NBPF20: variants seen among roughly 807,000 people sequenced by gnomAD.
NBPF20 encodes the protein NBPF member 20, also known as NBPF family member NBPF20.
NBPF20 carries 90 observed loss-of-function variants against 68.1 expected under a neutral mutation model. That is an observed-to-expected ratio of 1.32 (90% CI 1.11 to 1.58). NBPF20 has a LOEUF of 1.58. Among genes scored for constraint, NBPF20 ranks in the 40% most tolerant of loss-of-function variants. The pLI is 0.00. For missense variants in NBPF20, 816 were observed against 601.2 expected (o/e 1.36, Z -3.74); for synonymous variants, 290 against 228.1 (o/e 1.27, Z -2.45).
chr1:145,400,059 T>C (rs1269785683), intron 6 of NBPF20, among the ~76,000 whole-genome samples: 2 of 152,148 alleles, frequency 1.3e-5, no homozygotes, highest in Non-Finnish European at 2.9e-5. Flanking sequence ...AGAAATTCCA[T>C]GGACATTGTT....
rs1319302931 is a variant in NBPF20, at chr1:145,397,333, G to A, written c.827+1716C>T. Among the ~76,000 whole-genome samples, 3 of 152,274 alleles carry A rather than the reference G, an allele frequency of 2.0e-5. No homozygotes were observed. In the East Asian group the frequency reaches 5.8e-4, roughly 29 times the overall value. On this transcript the variant is annotated intron_variant, in intron 7 of 137. Coordinates refer to ENST00000369373, the Ensembl canonical transcript of NBPF20. ...GGTATTTCTAGTTCTAGATCCCTGAGGAATTGTCACACTGCCTTCCACAAT... is the reference window on the plus strand; with the variant it reads ...GGTATTTCTAGTTCTAGATCCCTGAAGAATTGTCACACTGCCTTCCACAAT...
chr1:145,424,781 G>A, the NBPF20 span, among the ~76,000 whole-genome samples: 51 of 152,108 alleles, frequency 3.4e-4, no homozygotes, highest in Non-Finnish European at 6.6e-4. Flanking sequence ...CCAACCTACC[G>A]GAAATCCTGC....
At chr1:145,292,670 C>A (rs1330375286) in intron 136 of NBPF20, among the ~76,000 whole-genome samples, 181 bp from the exon 142 acceptor site, 9 of 147,088 alleles carry the variant, frequency 6.1e-5, no homozygotes, top group Non-Finnish European at 8.8e-5. Context: ...GTTTTTCTCC[C>A]AGAAACTGTG....
intron 73 of NBPF20, among the ~76,000 whole-genome samples, chr1:145,342,812 CAG>C (rs1232307393): frequency 2.8e-5 from 3 of 107,428 alleles, no homozygotes; most frequent in South Asian, 2.9e-4. Context: ...CACACACACA[CAG>C]AGAGAACGAG....
chr1:145,393,507 A>T (rs1272355690), intron 9 of NBPF20, among the ~76,000 whole-genome samples: 3 of 151,498 alleles, frequency 2.0e-5, no homozygotes, highest in African/African-American at 7.3e-5. Context: ...AGCTCAGTGA[A>T]TTGGTCAGGT....
upstream of NBPF20, among the ~76,000 whole-genome samples, chr1:145,409,272 T>C (rs587766408): frequency 0.011 from 1,606 of 151,738 alleles, 25 homozygotes; most frequent in Middle Eastern, 0.051. Flanking sequence ...TGTATGTTTG[T>C]ACTTTCACTT....
chr1:145,406,262 T>A (rs2101595757), upstream of NBPF20, among the ~76,000 whole-genome samples: 1 of 151,930 alleles, frequency 6.6e-6, no homozygotes, highest in Admixed American at 6.6e-5. Flanking sequence ...TGGGTATATA[T>A]GCCACTAATT....
chr1:145,401,070 C>A, exon 5 of NBPF20: 2 of 1,607,968 alleles, frequency 1.2e-6, no homozygotes, highest in Non-Finnish European at 1.7e-6. Flanking sequence ...TGGGGGCAGA[C>A]GATTTCTGCA....
chr1:145,400,679 C>A (rs1553665097), intron 5 of NBPF20, 85 bp from the exon 11 acceptor site: 6 of 1,526,034 alleles, frequency 3.9e-6, no homozygotes, highest in African/African-American at 1.4e-5. Context: ...TTTTGACAGG[C>A]GGCATTAAGA....
chr1:145,292,061 G>T (rs587756203), intron 137 of NBPF20, among the ~76,000 whole-genome samples: 11 of 149,382 alleles, frequency 7.4e-5, no homozygotes, highest in Admixed American at 1.3e-4. Context: ...CTCTGAGTTA[G>T]TGTCCTCATG....
chr1:145,399,807 T>G (rs1662428461), intron 6 of NBPF20, among the ~76,000 whole-genome samples: 1 of 123,656 alleles, frequency 8.1e-6, no homozygotes, highest in Non-Finnish European at 1.6e-5. Flanking sequence ...AAATCCACGA[T>G]GCTACAAAGA....
the NBPF20 span, among the ~76,000 whole-genome samples, chr1:145,410,886 TACAC>T: frequency 3.2e-5 from 4 of 124,300 alleles, no homozygotes; most frequent in African/African-American, 7.8e-5. Flanking sequence ...TATATATGTA[TACAC>T]ACACACACAC....
exon 6 of NBPF20, chr1:145,400,445 G>C: frequency 6.2e-7 from 1 of 1,613,174 alleles, no homozygotes; most frequent in Non-Finnish European, 8.5e-7. Context: ...GCCAATCAGA[G>C]TTGAGTCGAC....
chr1:145,411,319 C>G, the NBPF20 span, among the ~76,000 whole-genome samples: 3 of 150,512 alleles, frequency 2.0e-5, no homozygotes, highest in African/African-American at 7.3e-5. Flanking sequence ...TTCATAATTT[C>G]TCAAAGCAAT....
At chr1:145,409,930 T>C (rs1662941306), upstream of NBPF20, among the ~76,000 whole-genome samples, 1 of 151,806 alleles carries the variant, frequency 6.6e-6, no homozygotes, top group Non-Finnish European at 1.5e-5. Context: ...CAAAACTCTC[T>C]TCCTCCCCAG....
chr1:145,307,181 T>C (rs1661422526), intron 118 of NBPF20, among the ~76,000 whole-genome samples: 1 of 31,286 alleles, frequency 3.2e-5, no homozygotes, highest in East Asian at 2.6e-3. Context: ...TACAAACCCT[T>C]CAGTCCAAAT....
chr1:145,393,591 A>G lies in NBPF20; in HGVS notation c.1043+293T>C, dbSNP rs1662050228. Reference sequence around the variant, plus strand: ...GACACACTGTGAACAGTGATCATGAAAAGCATGTCCTCAATAATTTTGCAT... The same window carrying G: ...GACACACTGTGAACAGTGATCATGAGAAGCATGTCCTCAATAATTTTGCAT... On this transcript the variant is annotated intron_variant, in intron 9 of 137. Transcript: ENST00000369373. 12 of 653,730 alleles carry G rather than the reference A, an allele frequency of 1.8e-5. No individual in the cohort carries two copies. The South Asian group carries it at 2.3e-4, about 13-fold the overall frequency. 40.5% of individuals were successfully genotyped at this position (653,730 alleles called of 1,614,324 possible).
chr1:145,405,356 C>T (rs1254400156), intron 1 of NBPF20, 49 bp from the exon 7 acceptor site: 7 of 1,483,042 alleles, frequency 4.7e-6, no homozygotes, highest in Admixed American at 1.8e-5. Context: ...CTGGTGAAAT[C>T]AAATAGGTTT....
intron 6 of NBPF20, 115 bp downstream of exon 11, chr1:145,400,274 T>A (rs1210910977): frequency 8.7e-5 from 139 of 1,589,404 alleles, no homozygotes; most frequent in South Asian, 3.8e-4. Context: ...GATATCTGTT[T>A]AGAAACCCAT....
Sources: allele counts gnomAD v4.1 joint callset (sites outside exome capture counted in the v4.1 genomes callset), GRCh38; gene constraint gnomAD v4.1.1; transcripts MANE v1.5; gene names NCBI Gene and HGNC (gene_info 2026-07-23, HGNC 2026-07-21).